Variants in NELL2 observed in about 807,000 individuals in gnomAD.
NELL2 encodes protein kinase C-binding protein NELL2.
Under a neutral mutation model 109.6 loss-of-function variants are expected in NELL2, and 41 were observed. That is an observed-to-expected ratio of 0.37 (90% CI 0.29 to 0.49). The LOEUF (loss-of-function observed/expected upper bound fraction) is 0.49. NELL2 is among the 20% of genes least tolerant of loss of function. NELL2 has a pLI of 0.98. For missense variants in NELL2, 900 were observed against 1,008.3 expected (o/e 0.89, Z 1.45); for synonymous variants, 355 against 344.7 (o/e 1.03, Z -0.33).
intron 9 of NELL2, among the ~76,000 whole-genome samples, chr12:44,746,378 A>G (rs1940353608): frequency 6.6e-6 from 1 of 152,180 alleles, no homozygotes; most frequent in East Asian, 1.9e-4. Flanking sequence ...CATTCAGGAC[A>G]TAGGCATGGG....
At chr12:44,707,975 T>C (rs1937978067) in intron 11 of NELL2, among the ~76,000 whole-genome samples, 1 of 152,048 alleles carries the variant, frequency 6.6e-6, no homozygotes, top group Non-Finnish European at 1.5e-5. Context: ...TAATTATGAG[T>C]TGAGATGAAG....
intron 2 of NELL2, among the ~76,000 whole-genome samples, chr12:44,832,887 C>A (rs1385885886): frequency 6.6e-6 from 1 of 152,162 alleles, no homozygotes; most frequent in South Asian, 2.1e-4. Context: ...ATTAACATCT[C>A]CCTAGAAAAA....
chr12:44,593,004 A>G (rs1944815680), intron 15 of NELL2, among the ~76,000 whole-genome samples: 1 of 152,156 alleles, frequency 6.6e-6, no homozygotes, highest in South Asian at 2.1e-4. Flanking sequence ...AACTGTTTGT[A>G]TGGGTGTTGC....
chr12:44,630,116 T>C (rs918861604), intron 13 of NELL2, among the ~76,000 whole-genome samples: 3 of 152,214 alleles, frequency 2.0e-5, no homozygotes, highest in Non-Finnish European at 2.9e-5. Flanking sequence ...TTTGTACTTG[T>C]ATAATTAAGA....
chr12:44,843,457 G>C (rs1402371289), intron 2 of NELL2, among the ~76,000 whole-genome samples: 1 of 152,128 alleles, frequency 6.6e-6, no homozygotes, highest in Non-Finnish European at 1.5e-5. Flanking sequence ...ATTATAAAAT[G>C]GTAAAACTTA....
chr12:44,775,810 T>C (rs1274687972), intron 8 of NELL2, among the ~76,000 whole-genome samples: 1 of 152,248 alleles, frequency 6.6e-6, no homozygotes, highest in Non-Finnish European at 1.5e-5. Context: ...TTAAACTTTA[T>C]AGCATTCCTA....
intron 2 of NELL2, among the ~76,000 whole-genome samples, chr12:44,861,369 G>A (rs1944837841): frequency 6.6e-6 from 1 of 152,114 alleles, no homozygotes; most frequent in African/African-American, 2.4e-5. Flanking sequence ...ACCCATTCTA[G>A]TGCCAAACCG....
chr12:44,764,304 C>T (rs1566338851), intron 9 of NELL2, among the ~76,000 whole-genome samples: 2 of 152,066 alleles, frequency 1.3e-5, no homozygotes, highest in Non-Finnish European at 2.9e-5. Flanking sequence ...ATTTCTCTTC[C>T]TGAACTATCA....
intron 1 of NELL2, among the ~76,000 whole-genome samples, chr12:44,912,216 G>T (rs1246383599): frequency 6.6e-6 from 1 of 151,926 alleles, no homozygotes; most frequent in Non-Finnish European, 1.5e-5. Flanking sequence ...TGATGAATTT[G>T]TAAATGAAAT....
At chr12:44,577,382 T>C (rs1331492129) in intron 15 of NELL2, among the ~76,000 whole-genome samples, 2 of 145,924 alleles carry the variant, frequency 1.4e-5, no homozygotes, top group East Asian at 3.9e-4. Context: ...TGCCCACTTT[T>C]TGATGGGGTT....
chr12:44,698,453 A>G (rs994405247), intron 12 of NELL2, among the ~76,000 whole-genome samples: 2 of 152,204 alleles, frequency 1.3e-5, no homozygotes, highest in African/African-American at 4.8e-5. Context: ...TGAACACTCA[A>G]GTAGAATAAA....
rs997533218 is a variant in NELL2 at position 44,516,840 on chromosome 12, G to T, written c.2400+3165C>A. Among the ~76,000 whole-genome samples, 17 of 149,034 alleles carry T rather than the reference G, an allele frequency of 1.1e-4. No individual in the cohort carries two copies. In the East Asian group the frequency reaches 3.0e-3, roughly 26 times the overall value. ...AAGTGCTTTTCTTATTAATGTTTAT[G>T]TTTTTAATCTAACAAAGAAACCAAA... is the stretch of plus-strand genomic sequence containing the variant. On this transcript the variant is annotated intron_variant, in intron 19 of 19. Transcript: ENST00000429094.
At chr12:44,799,560 C>T (rs917805191) in intron 3 of NELL2, among the ~76,000 whole-genome samples, 1 of 152,164 alleles carries the variant, frequency 6.6e-6, no homozygotes, top group African/African-American at 2.4e-5. Flanking sequence ...TTCCATCTTA[C>T]TACCACTTTA....
intron 9 of NELL2, among the ~76,000 whole-genome samples, chr12:44,741,846 G>A (rs550129164): frequency 1.5e-4 from 23 of 152,242 alleles, no homozygotes; most frequent in Admixed American, 3.9e-4. Flanking sequence ...CACAGCTCAA[G>A]GAGGCCAGTC....
intron 12 of NELL2, among the ~76,000 whole-genome samples, chr12:44,692,706 T>TA: frequency 6.6e-6 from 1 of 152,232 alleles, no homozygotes; most frequent in East Asian, 1.9e-4. Context: ...CCAGCCCTCA[T>TA]AGATGACTTT....
chr12:44,776,527 A>T (rs1172745374), intron 7 of NELL2, among the ~76,000 whole-genome samples: 1 of 152,234 alleles, frequency 6.6e-6, no homozygotes, highest in Admixed American at 6.5e-5. Flanking sequence ...TATAAGAAAC[A>T]AATCATACAC....
chr12:44,735,207 A>G (rs539658906), intron 9 of NELL2, among the ~76,000 whole-genome samples: 21 of 152,092 alleles, frequency 1.4e-4, no homozygotes, highest in Non-Finnish European at 2.6e-4. Flanking sequence ...GGTTAATTCT[A>G]ATTTGACATT....
intron 15 of NELL2, among the ~76,000 whole-genome samples, chr12:44,596,783 A>T (rs1195282704): frequency 6.6e-6 from 1 of 152,142 alleles, no homozygotes; most frequent in African/African-American, 2.4e-5. Context: ...GAGGCACATA[A>T]ATATTAAGTA....
chr12:44,850,771 C>A (rs1944510318), intron 2 of NELL2, among the ~76,000 whole-genome samples: 2 of 152,052 alleles, frequency 1.3e-5, no homozygotes, highest in East Asian at 1.9e-4. Context: ...TAGGCAATAC[C>A]ATTAAAGCCC....
Sources: allele counts gnomAD v4.1 joint callset (sites outside exome capture counted in the v4.1 genomes callset), GRCh38; gene constraint gnomAD v4.1.1; transcripts MANE v1.5; gene names NCBI Gene and HGNC (gene_info 2026-07-23, HGNC 2026-07-21).